Variants in CLEC2D observed in about 807,000 individuals in gnomAD.
CLEC2D encodes the protein C-type lectin domain family 2 member D.
A neutral mutation model predicts 20.0 loss-of-function variants in CLEC2D; 16 were observed. The ratio of observed to expected loss-of-function variants is 0.80; its 90% CI spans 0.54 to 1.22. CLEC2D has a LOEUF of 1.22. Ranked by LOEUF, CLEC2D falls within the 50% of genes most tolerant of loss-of-function variation. The probability of loss-of-function intolerance (pLI) is 0.00; values close to 1 mark genes in which losing one functional copy is unlikely to be tolerated. For missense variants in CLEC2D, 207 were observed against 221.5 expected (o/e 0.93, Z 0.42); for synonymous variants, 77 against 71.1 (o/e 1.08, Z -0.42).
chr12:9,688,190 A>AT (rs71045286), intron 3 of CLEC2D, 104 bp downstream of exon 3: 61,836 of 772,808 alleles, frequency 0.08, 603 homozygotes, highest in Middle Eastern at 0.1. Context: ...TTTTACATTG[A>AT]TTTTTTTTTT....
chr12:9,695,375 C>T lies in CLEC2D; in HGVS notation c.*501C>T, dbSNP rs991077943. 6.3e-6 allele frequency: 9 copies of T among 1,425,974 alleles called. No individual in the cohort carries two copies. The highest frequency in any genetic ancestry group is 2.3e-5 in the South Asian group (2 of 87,876). 88.3% of individuals were successfully genotyped at this position (1,425,974 alleles called of 1,614,324 possible). ...CCTTGTCTCCTACCTAAGTGTGTGT[C>T]GCCACCCGATGGAAGATTCGATGGA... On this transcript the variant is annotated 3_prime_UTR_variant, in exon 5 of 5. Transcript: ENST00000290855.
At chr12:9,692,785 G>T (rs753987304) in intron 3 of CLEC2D, 43 bp from the exon 4 acceptor site, 1 of 1,345,746 alleles carries the variant, frequency 7.4e-7, no homozygotes. Flanking sequence ...GAGAGGATGG[G>T]TTATGTTAGA....
chr12:9,698,327 A>G lies in CLEC2D; in HGVS notation c.*3453A>G, dbSNP rs992647794. On this transcript the variant is annotated 3_prime_UTR_variant, in exon 5 of 5. Transcript: ENST00000290855. The stretch of plus-strand genomic sequence containing the variant: ...GCTGTGCAATAGATCTCAAAAGCTT[A>G]TTCCTCTTAACTGAAACCTACTACC... 6.6e-6 allele frequency: 1 copy of G among 152,220 alleles called. No individual in the cohort carries two copies. Among genetic ancestry groups the G allele is most frequent in the Non-Finnish European group, 1.5e-5 (1 of 68,042 alleles). The allele number at this position is 152,220 out of a possible 1,614,324, so 9.4% of individuals were successfully genotyped here. A position where few individuals can be genotyped will look rare whatever the true frequency, so the allele number is the denominator to read the frequency against.
chr12:9,691,511 C>A (rs909327545), intron 3 of CLEC2D, among the ~76,000 whole-genome samples: 57 of 152,042 alleles, frequency 3.7e-4, no homozygotes, highest in African/African-American at 1.3e-3. Context: ...TGTTAGGCCA[C>A]AAAACAAGTG....
At chr12:9,689,686 T>C (rs1484828857) in intron 3 of CLEC2D, among the ~76,000 whole-genome samples, 1 of 151,822 alleles carries the variant, frequency 6.6e-6, no homozygotes, top group Non-Finnish European at 1.5e-5. Flanking sequence ...CAAGCAAAAA[T>C]TCCAGAGCTG....
chr12:9,683,322 G>GTTTTTTTTTTTTTTTTTTTTTTTTT lies in CLEC2D; in HGVS notation c.172+2295_172+2296insTTTTTTTTTTTTTTTTTTTTTTTTT, dbSNP rs1226655704. ...TGCCTGTTCACTCTGATGATAGTTT[G>GTTTTTTTTTTTTTTTTTTTTTTTTT]TTTTTTGTGTTTGTTTTTTTTTTTT... On this transcript the variant is annotated intron_variant, in intron 2 of 4. Transcript: ENST00000290855. 4.9e-5 allele frequency among the ~76,000 whole-genome samples: 4 copies of GTTTTTTTTTTTTTTTTTTTTTTTTT among 80,880 alleles called. 2 individuals carry two copies. Among genetic ancestry groups the GTTTTTTTTTTTTTTTTTTTTTTTTT allele is most frequent in the African/African-American group, 1.2e-4 (2 of 16,130 alleles). The allele number at this position is 80,880 out of a possible 152,430, so 53.1% of individuals were successfully genotyped here.
chr12:9,685,186 A>G (rs982049706), intron 2 of CLEC2D, among the ~76,000 whole-genome samples: 2 of 152,150 alleles, frequency 1.3e-5, no homozygotes, highest in African/African-American at 4.8e-5. Context: ...AAAAGCAAAG[A>G]TTGCTGCCTG....
chr12:9,675,805 T>C (rs1198853912), intron 1 of CLEC2D, among the ~76,000 whole-genome samples: 2 of 152,260 alleles, frequency 1.3e-5, no homozygotes, highest in Non-Finnish European at 2.9e-5. Context: ...TAGTTCTTCA[T>C]TGATTTCATT....
Position 9,692,892 on chromosome 12 carries a change from A to G in CLEC2D, c.422A>G (p.Gln141Arg). ...HWIGLSREQGQPWKWINGTEW... is the reference protein window; with the variant it reads ...HWIGLSREQGRPWKWINGTEW... ...ATTGGGCTGAGCAGAGAACAAGGCC[A>G]ACCATGGAAATGGATAAATGGTACT... Residue 141 changes from glutamine (Q) to arginine (R), a missense_variant, in exon 4 of 5, where the codon CAA (glutamine) becomes CGA (arginine). Coordinates refer to ENST00000290855, the MANE Select transcript of CLEC2D (RefSeq NM_013269.6). 1 of 1,613,836 alleles carries G rather than the reference A, an allele frequency of 6.2e-7. No homozygotes were observed. Among genetic ancestry groups the G allele is most frequent in the Non-Finnish European group, 8.5e-7 (1 of 1,179,816 alleles).
Position 9,669,846 on chromosome 12 carries a change from A to AGTG in CLEC2D, c.61+54_61+56dup, listed in dbSNP as rs1009769021. 11 of 1,432,620 alleles carry AGTG rather than the reference A, an allele frequency of 7.7e-6. No homozygotes were observed. The Admixed American group carries it at 8.4e-5, about 11-fold the overall frequency. 88.7% of individuals were successfully genotyped at this position (1,432,620 alleles called of 1,614,324 possible). On this transcript the variant is annotated intron_variant, in intron 1 of 4. Transcript: ENST00000290855. ...AGTGTGAGGACTGGAATGGGAAGGT[A>AGTG]GTGGTAGTGATGGGCTCACACAGGA...
intron 2 of CLEC2D, among the ~76,000 whole-genome samples, chr12:9,686,003 C>T (rs1591698202): frequency 6.6e-6 from 1 of 152,248 alleles, no homozygotes; most frequent in South Asian, 2.1e-4. Flanking sequence ...AGAGAATCTC[C>T]TGGTCTGTGG....
At position 9,695,113 on chromosome 12, in the gene CLEC2D, A is replaced by G. The variant is rs1865951648; in HGVS notation, c.*239A>G. 1.7e-6 allele frequency: 1 copy of G among 574,070 alleles called. No individual in the cohort carries two copies. Among genetic ancestry groups the G allele is most frequent in the Non-Finnish European group, 3.1e-6 (1 of 322,218 alleles). The allele number at this position is 574,070 out of a possible 1,614,324, so 35.6% of individuals were successfully genotyped here. ...ACCCGAGACTGAGTAATTTATAAAT[A>G]AAAGAGATTTAATTGACTCATAGTT... On this transcript the variant is annotated 3_prime_UTR_variant, in exon 5 of 5. Coordinates refer to ENST00000290855, the MANE Select transcript of CLEC2D (RefSeq NM_013269.6).
At chr12:9,673,316 C>A (rs1865459374) in intron 1 of CLEC2D, among the ~76,000 whole-genome samples, 1 of 152,262 alleles carries the variant, frequency 6.6e-6, no homozygotes, top group Admixed American at 6.5e-5. Context: ...TAACAGTCAG[C>A]CTTTCTGAGG....
chr12:9,694,724 T>G (rs777307329), intron 4 of CLEC2D, 36 bp from the exon 5 acceptor site: 5 of 1,091,146 alleles, frequency 4.6e-6, no homozygotes, highest in Non-Finnish European at 7.1e-6. Flanking sequence ...TGAAGAAATG[T>G]TCAGTGGCCA....
At position 9,695,880 on chromosome 12, in the gene CLEC2D, T is replaced by C. The variant is rs943024121; in HGVS notation, c.*1006T>C. 3.8e-6 allele frequency: 4 copies of C among 1,061,628 alleles called. No homozygotes were observed. The highest frequency in any genetic ancestry group is 3.4e-5 in the Admixed American group (2 of 58,874). 65.8% of individuals were successfully genotyped at this position (1,061,628 alleles called of 1,614,324 possible). A position where few individuals can be genotyped will look rare whatever the true frequency, so the allele number is the denominator to read the frequency against. On this transcript the variant is annotated 3_prime_UTR_variant, in exon 5 of 5. Transcript: ENST00000290855. The stretch of plus-strand genomic sequence containing the variant: ...CTGATGATGATGATGATGAAGATGA[T>C]GATGATGATGATGACGAGGAAGCTG...
Position 9,698,378 on chromosome 12 carries a change from T to C in CLEC2D, c.*3504T>C, listed in dbSNP as rs1866050752. 6.6e-6 allele frequency: 1 copy of C among 152,180 alleles called. No individual in the cohort carries two copies. The highest frequency in any genetic ancestry group is 2.4e-5 in the African/African-American group (1 of 41,438). The allele number at this position is 152,180 out of a possible 1,614,324, so 9.4% of individuals were successfully genotyped here. ...CTGTGACATGTGGGGAACATCTCTC[T>C]ATTCCCCAGCCCCAGTCCCTAAATG... On this transcript the variant is annotated 3_prime_UTR_variant, in exon 5 of 5. Coordinates refer to ENST00000290855, the MANE Select transcript of CLEC2D (RefSeq NM_013269.6).
chr12:9,672,474 A>T (rs1865444058), intron 1 of CLEC2D, among the ~76,000 whole-genome samples: 1 of 152,198 alleles, frequency 6.6e-6, no homozygotes, highest in South Asian at 2.1e-4. Flanking sequence ...TTTGTCAGTG[A>T]CCTGACCTTT....
Position 9,698,635 on chromosome 12 carries a change from C to T in CLEC2D, c.*3761C>T, listed in dbSNP as rs1254970116. ...ATTTGACCTCAAAAGTAGATGCAAC[C>T]ACAGTGAAAATAAACAAATGAAATT... On this transcript the variant is annotated 3_prime_UTR_variant, in exon 5 of 5. Transcript: ENST00000290855. 1 of 152,058 alleles carries T rather than the reference C, an allele frequency of 6.6e-6. No individual in the cohort carries two copies. The highest frequency in any genetic ancestry group is 1.5e-5 in the Non-Finnish European group (1 of 67,998). 9.4% of individuals were successfully genotyped at this position (152,058 alleles called of 1,614,324 possible). A position where few individuals can be genotyped will look rare whatever the true frequency, so the allele number is the denominator to read the frequency against.
intron 3 of CLEC2D, 89 bp downstream of exon 3, chr12:9,688,175 T>C (rs1865791401): frequency 3.6e-6 from 4 of 1,103,904 alleles, no homozygotes; most frequent in East Asian, 7.2e-5. Flanking sequence ...GGTTTAGACA[T>C]CTGCTTTTAC....
Sources: allele counts gnomAD v4.1 joint callset (sites outside exome capture counted in the v4.1 genomes callset), GRCh38; gene constraint gnomAD v4.1.1; transcripts MANE v1.5; gene names NCBI Gene and HGNC (gene_info 2026-07-23, HGNC 2026-07-21).